Variants in PEMT observed in about 807,000 individuals in gnomAD.
PEMT encodes the protein phosphatidylethanolamine N-methyltransferase.
In PEMT, 23 loss-of-function variants were observed where a neutral mutation model predicts 27.4. The ratio of observed to expected loss-of-function variants is 0.84; its 90% CI spans 0.60 to 1.19. The LOEUF (loss-of-function observed/expected upper bound fraction) is 1.19. Ranked by LOEUF, PEMT falls within the 50% of genes most tolerant of loss-of-function variation. PEMT has a pLI of 0.00. For missense variants in PEMT, 307 were observed against 310.1 expected (o/e 0.99, Z 0.07); for synonymous variants, 137 against 139.1 (o/e 0.98, Z 0.11).
chr17:17,533,482 C>T (rs1908247196), intron 2 of PEMT, among the ~76,000 whole-genome samples: 1 of 152,194 alleles, frequency 6.6e-6, no homozygotes, highest in Admixed American at 6.5e-5. Flanking sequence ...AATAAACTGG[C>T]TTTATCAAAT....
At chr17:17,529,437 C>T (rs1907934451) in intron 2 of PEMT, among the ~76,000 whole-genome samples, 1 of 152,224 alleles carries the variant, frequency 6.6e-6, no homozygotes. Context: ...CTCGAGGGCT[C>T]CAACAGTCAT....
intron 3 of PEMT, among the ~76,000 whole-genome samples, chr17:17,521,018 C>T (rs958982313): frequency 6.6e-6 from 1 of 152,264 alleles, no homozygotes; most frequent in East Asian, 1.9e-4. Flanking sequence ...ATGGAGCATT[C>T]GCAGGCCCCT....
intron 2 of PEMT, among the ~76,000 whole-genome samples, chr17:17,545,809 AAG>A (rs1909220067): frequency 6.6e-6 from 1 of 152,146 alleles, no homozygotes; most frequent in African/African-American, 2.4e-5. Flanking sequence ...GTCAGCTACC[AAG>A]GCAGGATGTA....
intron 3 of PEMT, among the ~76,000 whole-genome samples, chr17:17,519,454 T>A (rs748196): frequency 6.6e-6 from 1 of 151,954 alleles, no homozygotes; most frequent in East Asian, 1.9e-4. Flanking sequence ...AGCCACCATC[T>A]GTAAGAAGCT....
rs931770912 is a variant in PEMT, at chr17:17,523,841, T to C, written c.205-1446A>G. Among the ~76,000 whole-genome samples, 1 of 152,148 alleles carries C rather than the reference T, an allele frequency of 6.6e-6. No homozygotes were observed. Among genetic ancestry groups the C allele is most frequent in the East Asian group, 1.9e-4 (1 of 5,198 alleles). ...TCCAATTCTGAGATAAAATTCAAAG[T>C]AGTTTTTAGCTATGCAACCATCACC... On this transcript the variant is annotated intron_variant, in intron 2 of 6. Transcript: ENST00000255389. This position sits in a 1 kb window ranked among gnomAD's most constrained non-coding sequence, Gnocchi z 4.8.
At chr17:17,570,840 A>G (rs4646350) in intron 2 of PEMT, 587,256 of 984,814 alleles carry the variant, frequency 0.6, 177,218 homozygotes, top group African/African-American at 0.8. Flanking sequence ...GAAGCCAGGT[A>G]GAGTCCGCGA....
At chr17:17,552,736 C>G (rs1253964503) in intron 2 of PEMT, among the ~76,000 whole-genome samples, 1 of 152,206 alleles carries the variant, frequency 6.6e-6, no homozygotes, top group Non-Finnish European at 1.5e-5. Context: ...ACTCTGCTGT[C>G]GTTTCGACAT....
chr17:17,578,623 G>GTAAA (rs541182147), intron 1 of PEMT: 237 of 152,290 alleles, frequency 1.6e-3, no homozygotes, highest in African/African-American at 5.4e-3. Context: ...TAAAATAAGT[G>GTAAA]TAAAGTTGTG....
chr17:17,570,359 C>T (rs1911108157), intron 2 of PEMT: 1 of 236,104 alleles, frequency 4.2e-6, no homozygotes, highest in Non-Finnish European at 6.9e-6. Context: ...CTCAGAACGC[C>T]CAGGCAGCCA....
At chr17:17,509,930 G>A (rs975377921) in intron 4 of PEMT, among the ~76,000 whole-genome samples, 3 of 152,060 alleles carry the variant, frequency 2.0e-5, no homozygotes, top group African/African-American at 7.2e-5. Flanking sequence ...TCTGCTCATG[G>A]CGCCTCTTTA....
Position 17,591,533 on chromosome 17 carries a change from G to C in PEMT, c.94C>G (p.Gln32Glu), listed in dbSNP as rs1912590173. ...CGGCGGTCCGGTGCGGTCAGTACCT[G>C]TCTAAAATCAATATTGCCGAGGCCT... ...CGGLGNIDFRQADFCVMTRLL... is the reference protein window; with the variant it reads ...CGGLGNIDFREADFCVMTRLL... Residue 32 changes from glutamine (Q) to glutamate (E), a missense_variant and splice_region_variant, in exon 1 of 7, where the codon CAG becomes GAG. By Grantham distance (29) the Gln-to-Glu change is conservative. Transcript: ENST00000255389. 1 of 1,611,884 alleles carries C rather than the reference G, an allele frequency of 6.2e-7. No homozygotes were observed. The highest frequency in any genetic ancestry group is 2.2e-5 in the East Asian group (1 of 44,828).
At chr17:17,580,000 T>C (rs1041693008) in intron 1 of PEMT, among the ~76,000 whole-genome samples, 2 of 152,098 alleles carry the variant, frequency 1.3e-5, no homozygotes, top group Non-Finnish European at 2.9e-5. Flanking sequence ...GCTGTGAGCC[T>C]AGGCCCACAC....
At chr17:17,577,514 G>A (rs1029254553) in intron 1 of PEMT, 3 of 1,001,490 alleles carry the variant, frequency 3.0e-6, no homozygotes, top group South Asian at 4.4e-5. Context: ...TGTGAGTGGG[G>A]CGGGGTAAAC....
At chr17:17,508,108 AAC>A (rs1445362198) in intron 5 of PEMT, 1 of 152,456 alleles carries the variant, frequency 6.6e-6, no homozygotes, top group Non-Finnish European at 1.5e-5. Context: ...TAGGCGAGGG[AAC>A]AGTGTGTGAG....
At chr17:17,541,015 G>A (rs944955952) in intron 2 of PEMT, among the ~76,000 whole-genome samples, 2 of 152,202 alleles carry the variant, frequency 1.3e-5, no homozygotes, top group African/African-American at 2.4e-5. Flanking sequence ...GCCCCGTGCT[G>A]AGTCCAGCCA....
intron 2 of PEMT, among the ~76,000 whole-genome samples, chr17:17,546,880 G>A (rs988795450): frequency 5.9e-5 from 9 of 152,258 alleles, no homozygotes; most frequent in Admixed American, 2.0e-4. Context: ...CATTTGCTAC[G>A]TGCTGACCCT....
intron 2 of PEMT, among the ~76,000 whole-genome samples, chr17:17,530,593 T>C (rs1388199387): frequency 1.3e-5 from 2 of 152,166 alleles, no homozygotes; most frequent in Admixed American, 6.5e-5. Context: ...GATTTTGAAA[T>C]ACAGTATTTT....
At chr17:17,510,995 C>T (rs1351337209) in intron 4 of PEMT, among the ~76,000 whole-genome samples, 8 of 152,158 alleles carry the variant, frequency 5.3e-5, no homozygotes, top group Admixed American at 1.3e-4. Context: ...AGCCCCACCT[C>T]TGATCCTGGC....
At chr17:17,577,475 C>T (rs1002502522) in intron 1 of PEMT, 51 of 1,030,818 alleles carry the variant, frequency 4.9e-5, no homozygotes, top group Non-Finnish European at 5.1e-5. Flanking sequence ...CCACACTCGA[C>T]AGGGGACAAT....
Sources: gnomAD v4.1 joint callset for allele counts (sites outside exome capture counted in the v4.1 genomes callset) on GRCh38, gnomAD v4.1.1 for gene constraint, Gnocchi (gnomAD v3.1) non-coding constraint, MANE v1.5 for transcripts, NCBI Gene and HGNC (gene_info 2026-07-23, HGNC 2026-07-21) for gene names.